Variants in DENND2B observed in about 807,000 individuals in gnomAD.
DENND2B encodes DENN domain-containing protein 2B.
DENND2B carries 32 observed loss-of-function variants against 116.0 expected under a neutral mutation model. The ratio of observed to expected loss-of-function variants is 0.28; its 90% CI spans 0.21 to 0.37. DENND2B has a LOEUF of 0.37. DENND2B is among the 10% of genes least tolerant of loss of function. The probability of loss-of-function intolerance (pLI) is 1.00; values close to 1 mark genes in which losing one functional copy is unlikely to be tolerated. For missense variants in DENND2B, 1,276 were observed against 1,477.7 expected, an observed-to-expected ratio of 0.86 and a Z score of 2.24; for synonymous variants, 588 against 583.9, an observed-to-expected ratio of 1.01 and a Z score of -0.10.
intron 3 of DENND2B, among the ~76,000 whole-genome samples, chr11:8,852,132 A>C (rs990404833): frequency 6.6e-6 from 1 of 152,224 alleles, no homozygotes; most frequent in African/African-American, 2.4e-5. Flanking sequence ...TGAGGAGGGC[A>C]AGAGACTATC....
intron 4 of DENND2B, among the ~76,000 whole-genome samples, chr11:8,820,253 A>G (rs943295743): frequency 6.6e-6 from 1 of 152,194 alleles, no homozygotes; most frequent in Non-Finnish European, 1.5e-5. Context: ...TATATATCAC[A>G]TATATTACCC....
chr11:8,735,219 T>C (rs2048811113), intron 2 of DENND2B, among the ~76,000 whole-genome samples: 1 of 152,160 alleles, frequency 6.6e-6, no homozygotes, highest in African/African-American at 2.4e-5. Context: ...TTTACCCACC[T>C]GGAATGCTGC....
In DENND2B at chr11:8,730,624, G is replaced by C; in HGVS notation, c.666C>G (p.Phe222Leu). The change falls in exon 3 of 20, where the codon TTC becomes TTG. Residue 222 changes from phenylalanine to leucine, a missense_variant. Around this residue, in one of 2 missense-constraint regions of DENND2B, gnomAD observed 856 missense variants for 846.6 expected, o/e 1.01. Transcript: ENST00000313726. This position sits in a 1 kb window ranked among gnomAD's most constrained non-coding sequence, Gnocchi z 4.1. ...SPCSSEKTFD[F>L]KGLRRMSRTF... ...TCCTGCTCATCCTCCGGAGGCCCTT[G>C]AAATCAAAGGTCTTTTCAGAGCTGC... The C allele has an allele frequency of 3.1e-6, 5 of 1,613,016 alleles. No homozygotes were observed. The highest frequency in any genetic ancestry group is 4.2e-6 in the Non-Finnish European group (5 of 1,179,986).
intron 1 of DENND2B, among the ~76,000 whole-genome samples, chr11:8,886,109 T>A (rs562058397): frequency 7.9e-5 from 12 of 152,112 alleles, no homozygotes; most frequent in South Asian, 2.1e-4. Flanking sequence ...ATTTTTAAAA[T>A]TTTTTTGTAG....
chr11:8,806,751 G>GA (rs2060895674), intron 1 of DENND2B, among the ~76,000 whole-genome samples: 1 of 151,520 alleles, frequency 6.6e-6, no homozygotes, highest in South Asian at 2.1e-4. Flanking sequence ...TAGTTCCTCC[G>GA]ACCCACCTAC....
At chr11:8,870,501 GCGTGTGTA>G (rs972165066) in intron 2 of DENND2B, among the ~76,000 whole-genome samples, 1 of 141,124 alleles carries the variant, frequency 7.1e-6, no homozygotes, top group African/African-American at 2.5e-5. Flanking sequence ...TGTGTGTTGT[GCGTGTGTA>G]TGTGTGTGTG....
intron 1 of DENND2B, among the ~76,000 whole-genome samples, chr11:8,891,669 T>A (rs2064034714): frequency 6.6e-6 from 1 of 152,150 alleles, no homozygotes; most frequent in Admixed American, 6.5e-5. Context: ...GGTAAAGGGA[T>A]CAATTCAACA....
At chr11:8,892,732 C>A (rs899628605) in intron 1 of DENND2B, among the ~76,000 whole-genome samples, 3 of 152,074 alleles carry the variant, frequency 2.0e-5, no homozygotes, top group Admixed American at 1.3e-4. Context: ...CAATAACAGG[C>A]TCTGAAATTG....
intron 4 of DENND2B, among the ~76,000 whole-genome samples, chr11:8,822,577 G>T: frequency 6.6e-6 from 1 of 152,184 alleles, no homozygotes; most frequent in East Asian, 1.9e-4. Flanking sequence ...ACTGAGATAG[G>T]ATTTAAAACT....
Position 8,696,684 on chromosome 11 carries a change from A to G in DENND2B, c.3053-18T>C. 1 of 1,612,394 alleles carries G rather than the reference A, an allele frequency of 6.2e-7. No individual in the cohort carries two copies. The highest frequency in any genetic ancestry group is 8.5e-7 in the Non-Finnish European group (1 of 1,178,668). ...ATTACATTCTGGAAGGGAAAAGACA[A>G]TCTTTGAGGTTCAGGTCAAGAGCCT... On this transcript the variant is annotated intron_variant, in intron 17 of 19. Coordinates refer to ENST00000313726, the MANE Select transcript of DENND2B (RefSeq NM_213618.2).
At chr11:8,744,549 G>A (rs2050882672) in intron 2 of DENND2B, among the ~76,000 whole-genome samples, 1 of 152,166 alleles carries the variant, frequency 6.6e-6, no homozygotes, top group Non-Finnish European at 1.5e-5. Context: ...AGCAGATGGA[G>A]AAACTACTCA....
intron 4 of DENND2B, among the ~76,000 whole-genome samples, chr11:8,725,468 G>A (rs1382805475): frequency 6.6e-6 from 1 of 151,148 alleles, no homozygotes; most frequent in Non-Finnish European, 1.5e-5. Flanking sequence ...TCTGCCTCCC[G>A]GGTTCAAGCA....
chr11:8,859,510 A>G (rs975241671), intron 2 of DENND2B, among the ~76,000 whole-genome samples: 11 of 151,876 alleles, frequency 7.2e-5, no homozygotes, highest in Middle Eastern at 3.2e-3. Flanking sequence ...GGGTTTCACC[A>G]TGTTAGCCAG....
intron 1 of DENND2B, among the ~76,000 whole-genome samples, chr11:8,806,631 C>CACACACACACACACACAT: frequency 6.6e-6 from 1 of 151,882 alleles, no homozygotes; most frequent in South Asian, 2.1e-4. Flanking sequence ...CACACACACA[C>CACACACACACACACACAT]ACACACACCC....
intron 13 of DENND2B, among the ~76,000 whole-genome samples, chr11:8,706,472 ATCT>A (rs1204088762): frequency 1.3e-5 from 2 of 151,458 alleles, no homozygotes; most frequent in African/African-American, 4.9e-5. Context: ...ACTTGGAATA[ATCT>A]TCTCCCGTTC....
In DENND2B at chr11:8,751,991, C is replaced by T. The variant is rs60980006; in HGVS notation, c.-25-1266G>A. Among the ~76,000 whole-genome samples, 16 of 152,300 alleles carry T rather than the reference C, an allele frequency of 1.1e-4. No individual in the cohort carries two copies. The South Asian group carries it at 2.5e-3, about 24-fold the overall frequency. On this transcript the variant is annotated intron_variant, in intron 1 of 19. Coordinates refer to ENST00000313726, the MANE Select transcript of DENND2B (RefSeq NM_213618.2). ...AATATTTACTGAGCACCCATGTCCA[C>T]GGCAAATGTGATCCAGTGAAGAGTA... is the stretch of plus-strand genomic sequence containing the variant.
chr11:8,887,589 C>T (rs939899537), intron 1 of DENND2B, among the ~76,000 whole-genome samples: 13 of 152,078 alleles, frequency 8.5e-5, no homozygotes, highest in African/African-American at 3.1e-4. Flanking sequence ...CCTTCCATAC[C>T]TTTTCTCTCT....
At chr11:8,731,249 G>A in intron 2 of DENND2B, 40 bp from the exon 3 acceptor site, 1 of 1,446,468 alleles carries the variant, frequency 6.9e-7, no homozygotes, top group South Asian at 1.5e-5. Flanking sequence ...AAAGAAAATG[G>A]CAGTGAGTGG....
intron 6 of DENND2B, among the ~76,000 whole-genome samples, chr11:8,715,022 A>G (rs182633343): frequency 6.6e-6 from 1 of 152,320 alleles, no homozygotes; most frequent in East Asian, 1.9e-4. Flanking sequence ...AGAGTCATTG[A>G]ACCAACTGAG....
Sources: gnomAD v4.1 joint callset for allele counts (sites outside exome capture counted in the v4.1 genomes callset) on GRCh38, gnomAD v4.1.1 for gene constraint, gnomAD v4.1.1 regional missense constraint, Gnocchi (gnomAD v3.1) non-coding constraint, MANE v1.5 for transcripts, NCBI Gene and HGNC (gene_info 2026-07-23, HGNC 2026-07-21) for gene names.